Variants in SLC25A13 observed in about 807,000 individuals in gnomAD.
The protein encoded by SLC25A13 is solute carrier family 25 member 13, also known as electrogenic aspartate/glutamate antiporter SLC25A13, mitochondrial.
SLC25A13 carries 70 observed loss-of-function variants against 85.5 expected under a neutral mutation model. The ratio of observed to expected loss-of-function variants is 0.82; its 90% CI spans 0.68 to 1.00. The LOEUF (loss-of-function observed/expected upper bound fraction) is 1.00. SLC25A13 is among the 50% of genes least tolerant of loss of function. The probability of loss-of-function intolerance (pLI) is 0.00; values close to 1 mark genes in which losing one functional copy is unlikely to be tolerated. For missense variants in SLC25A13, 765 were observed against 819.8 expected, an observed-to-expected ratio of 0.93 and a Z score of 0.82; for synonymous variants, 259 against 288.7, an observed-to-expected ratio of 0.90 and a Z score of 1.04.
chr7:96,289,765 A>C (rs1275639923), intron 2 of SLC25A13, among the ~76,000 whole-genome samples: 1 of 152,244 alleles, frequency 6.6e-6, no homozygotes, highest in Non-Finnish European at 1.5e-5. Flanking sequence ...CTATGTGAAA[A>C]GACCAAATCT....
chr7:96,217,883 C>G (rs1365803954), intron 4 of SLC25A13, among the ~76,000 whole-genome samples: 1 of 141,314 alleles, frequency 7.1e-6, no homozygotes, highest in Non-Finnish European at 1.5e-5. Context: ...TAAATTATAT[C>G]TCAACAAAGC....
chr7:96,185,152 G>C (rs1258584930), intron 9 of SLC25A13, 141 bp from the exon 10 acceptor site: 1 of 569,738 alleles, frequency 1.8e-6, no homozygotes, highest in African/African-American at 1.9e-5. Flanking sequence ...AAGGAAAAAA[G>C]TAGGAATGGA....
intron 7 of SLC25A13, 136 bp downstream of exon 7, chr7:96,190,973 T>C: frequency 1.8e-6 from 2 of 1,127,654 alleles, no homozygotes; most frequent in Non-Finnish European, 2.6e-6. Context: ...GATCAAAGGA[T>C]GAAAAACACA....
intron 11 of SLC25A13, among the ~76,000 whole-genome samples, chr7:96,171,766 T>C (rs1441459966): frequency 6.6e-6 from 1 of 152,174 alleles, no homozygotes; most frequent in Non-Finnish European, 1.5e-5. Context: ...AAATCAACAG[T>C]ATTAGTGATA....
At chr7:96,220,795 A>G (rs186565048) in intron 4 of SLC25A13, among the ~76,000 whole-genome samples, 14 of 152,044 alleles carry the variant, frequency 9.2e-5, no homozygotes, top group Non-Finnish European at 1.2e-4. Flanking sequence ...ACATGCACAC[A>G]CAAACACACA....
At chr7:96,314,153 C>T (rs1359123950) in intron 1 of SLC25A13, among the ~76,000 whole-genome samples, 2 of 150,290 alleles carry the variant, frequency 1.3e-5, no homozygotes, top group African/African-American at 2.5e-5. Flanking sequence ...GGATGAAGGA[C>T]GAAGAAGAAG....
chr7:96,301,032 T>C (rs770126725), intron 1 of SLC25A13, among the ~76,000 whole-genome samples: 4 of 152,216 alleles, frequency 2.6e-5, no homozygotes, highest in Non-Finnish European at 5.9e-5. Context: ...GTACCAGTTT[T>C]TTAAAGGTGT....
At chr7:96,154,989 T>C (rs577638998) in intron 13 of SLC25A13, among the ~76,000 whole-genome samples, 11 of 152,012 alleles carry the variant, frequency 7.2e-5, no homozygotes, top group South Asian at 4.2e-4. Context: ...TTAGTAGAGA[T>C]AGGCTTCGCC....
chr7:96,148,458 T>C (rs1792893189), intron 13 of SLC25A13, among the ~76,000 whole-genome samples: 1 of 152,230 alleles, frequency 6.6e-6, no homozygotes, highest in African/African-American at 2.4e-5. Flanking sequence ...ACTCAGCTAT[T>C]TACGGTTGGC....
Position 96,321,987 on chromosome 7 carries a change from C to T in SLC25A13, c.-31G>A. ...GCCCCGGTTGCGGGCGACTGCGGGA[C>T]CCACTGACTGGCTGGCTGGCGTTTG... On this transcript the variant is annotated 5_prime_UTR_variant, in exon 1 of 18. Coordinates refer to ENST00000265631, the MANE Select transcript of SLC25A13 (RefSeq NM_014251.3). 2 of 1,536,876 alleles carry T rather than the reference C, an allele frequency of 1.3e-6. No individual in the cohort carries two copies. The highest frequency in any genetic ancestry group is 1.8e-6 in the Non-Finnish European group (2 of 1,142,444).
Position 96,318,695 on chromosome 7 carries a change from T to C in SLC25A13, c.15+3247A>G, listed in dbSNP as rs568770035. ...GGAAGGTCATGAATAATTAGCTGTA[T>C]TTAAATAAGTATAAAGACCAAAGAA... On this transcript the variant is annotated intron_variant, in intron 1 of 17. Transcript: ENST00000265631. 1.3e-5 allele frequency among the ~76,000 whole-genome samples: 2 copies of C among 152,362 alleles called. 1 individual carries two copies. The highest frequency in any genetic ancestry group is 3.9e-4 in the East Asian group (2 of 5,190).
rs1791488299 is a variant in SLC25A13, at chr7:96,121,234, TTG to T, written c.1983_1984del (p.Phe661LeufsTer22). On this transcript the variant is annotated frameshift_variant, in exon 18 of 18. Coordinates refer to ENST00000265631, the MANE Select transcript of SLC25A13 (RefSeq NM_014251.3). LOFTEE classifies it high-confidence loss of function. ...AGCCTTTGAGGTAGATACTGATGGC[TTG>T]AAGAGAGGTAGGTAAAGTCCAAATT... 6.2e-7 allele frequency: 1 copy of T among 1,614,040 alleles called. No individual in the cohort carries two copies.
At chr7:96,203,393 A>C (rs1795334749) in intron 5 of SLC25A13, among the ~76,000 whole-genome samples, 1 of 152,152 alleles carries the variant, frequency 6.6e-6, no homozygotes, top group Admixed American at 6.6e-5. Context: ...TTACACTAAA[A>C]TTTGGGGGGT....
chr7:96,163,160 A>G (rs1477405463), intron 13 of SLC25A13, among the ~76,000 whole-genome samples: 1 of 152,212 alleles, frequency 6.6e-6, no homozygotes, highest in Admixed American at 6.5e-5. Context: ...GGCCAGCCTA[A>G]CTGGCTTGTC....
chr7:96,317,558 T>C (rs946819796), intron 1 of SLC25A13, among the ~76,000 whole-genome samples: 1 of 151,960 alleles, frequency 6.6e-6, no homozygotes, highest in Non-Finnish European at 1.5e-5. Context: ...TTCCAACCAC[T>C]GGATTGGATC....
intron 3 of SLC25A13, among the ~76,000 whole-genome samples, chr7:96,258,366 A>T (rs1263111249): frequency 6.6e-6 from 1 of 152,226 alleles, no homozygotes; most frequent in Non-Finnish European, 1.5e-5. Context: ...CAACTTCAGC[A>T]ATGTCTCAGG....
intron 4 of SLC25A13, among the ~76,000 whole-genome samples, chr7:96,209,347 A>AACACAC (rs760463709): frequency 0.014 from 372 of 26,326 alleles, 1 homozygote; most frequent in African/African-American, 0.044. Flanking sequence ...GTGGCAGGAA[A>AACACAC]ACACATACAC....
intron 3 of SLC25A13, among the ~76,000 whole-genome samples, chr7:96,241,929 T>C (rs987342832): frequency 1.3e-5 from 2 of 152,192 alleles, no homozygotes. Context: ...AGACCCCATG[T>C]GATCCCTTTC....
At chr7:96,277,106 G>T (rs535601816) in intron 3 of SLC25A13, 90 bp downstream of exon 3, 2 of 1,284,828 alleles carry the variant, frequency 1.6e-6, no homozygotes, top group Non-Finnish European at 1.1e-6. Flanking sequence ...AGATGGGAAG[G>T]TATACATTTA....
Sources: allele counts gnomAD v4.1 joint callset (sites outside exome capture counted in the v4.1 genomes callset), GRCh38; gene constraint gnomAD v4.1.1; transcripts MANE v1.5; gene names NCBI Gene and HGNC (gene_info 2026-07-23, HGNC 2026-07-21).